The following ZNF311 variants were observed in gnomAD, a reference collection of about 807,000 sequenced individuals.
ZNF311 encodes the protein zinc finger protein zfp31.
ZNF311 carries 14 observed loss-of-function variants against 22.7 expected under a neutral mutation model. That is an observed-to-expected ratio of 0.62 (90% CI 0.41 to 0.96). ZNF311 has a LOEUF of 0.96. Among genes scored for constraint, ZNF311 ranks in the 40% least tolerant of loss-of-function variants. ZNF311 has a pLI of 0.00. For synonymous variants in ZNF311, 250 were observed against 275.3 expected, an observed-to-expected ratio of 0.91 and a Z score of 0.91; for missense variants, 731 against 799.0, an observed-to-expected ratio of 0.91 and a Z score of 1.03.
At position 29,003,455 on chromosome 6, in the gene ZNF311, T is replaced by G. The variant is rs1011195545; in HGVS notation, c.91+58A>C. On this transcript the variant is annotated intron_variant, in intron 3 of 6. Transcript: ENST00000377179. ...AGTGTGGCATTTTCCACCCACTCTGTGTCCTTACTACATTCTCAGCTGCCG... is the reference window on the plus strand; with the variant it reads ...AGTGTGGCATTTTCCACCCACTCTGGGTCCTTACTACATTCTCAGCTGCCG... 2.6e-6 allele frequency: 4 copies of G among 1,539,828 alleles called. No homozygotes were observed. The African/African-American group carries it at 5.4e-5, about 21-fold the overall frequency.
chr6:28,996,212 G>T lies in ZNF311; in HGVS notation c.790C>A (p.Leu264Ile). 6.2e-7 allele frequency: 1 copy of T among 1,613,468 alleles called. No individual in the cohort carries two copies. The highest frequency in any genetic ancestry group is 1.1e-5 in the South Asian group (1 of 91,088). ...TCACCAGAATGAATTTGCTCATGGA[G>T]AATTAGATCTGAGTGCCAACTGAAG... is the stretch of plus-strand genomic sequence containing the variant. The part of the protein sequence containing the change: ...KNFSWHSDLI[L>I]HEQIHSGEKP... Residue 264 changes from leucine to isoleucine, a missense_variant, in exon 7 of 7, where the codon CTC becomes ATC. By Grantham distance (5) the Leu-to-Ile change is conservative. Transcript: ENST00000377179.
intron 3 of ZNF311, among the ~76,000 whole-genome samples, chr6:29,002,381 T>C (rs1412439872): frequency 3.9e-5 from 6 of 152,194 alleles, no homozygotes; most frequent in African/African-American, 1.2e-4. Context: ...TTATGTTCTA[T>C]ATTATTAATT....
intron 4 of ZNF311, 133 bp downstream of exon 4, chr6:28,999,823 G>A: frequency 2.4e-6 from 3 of 1,249,070 alleles, no homozygotes; most frequent in East Asian, 2.5e-5. Context: ...GGTTTATCAT[G>A]CAACAAAATG....
At position 28,995,658 on chromosome 6, in the gene ZNF311, A is replaced by G. The variant is rs1488548780; in HGVS notation, c.1344T>C (p.Cys448=). 3.1e-6 allele frequency: 5 copies of G among 1,613,298 alleles called. No individual in the cohort carries two copies. Among genetic ancestry groups the G allele is most frequent in the African/African-American group, 2.7e-5 (2 of 74,878 alleles). ...TREKHYGCPQ[C]GKDFSIKAEL... is the part of the protein sequence containing the mutation. ...CTGCCTTGATGCTGAAGTCTTTTCC[A>G]CACTGGGGACACCCATAGTGTTTCT... The change falls in exon 7 of 7, where the codon TGT becomes TGC. Residue 448 remains cysteine, a synonymous_variant. Transcript: ENST00000377179. The surrounding 1 kb of genome is among the most constrained non-coding windows in gnomAD (Gnocchi z 4.7).
At position 29,004,125 on chromosome 6, in the gene ZNF311, C is replaced by T. The variant is rs1780843914; in HGVS notation, c.-171G>A. 1.3e-6 allele frequency: 2 copies of T among 1,531,288 alleles called. No individual in the cohort carries two copies. The highest frequency in any genetic ancestry group is 1.8e-6 in the Non-Finnish European group (2 of 1,142,624). 94.9% of individuals were successfully genotyped at this position (1,531,288 alleles called of 1,614,324 possible). On this transcript the variant is annotated 5_prime_UTR_variant, in exon 2 of 7. Transcript: ENST00000377179. ...AAGGGCCCTTCTTGACCCACAGTGC[C>T]GCTACTGTTTGGCTTAATGTGTCAA...
At position 28,996,548 on chromosome 6, in the gene ZNF311, T is replaced by C. The variant is rs776926010; in HGVS notation, c.454A>G (p.Ser152Gly). Reference protein sequence around the residue: ...DKMWPENEKASSQQEIFENGE... With the variant: ...DKMWPENEKAGSQQEIFENGE... Reference sequence around the variant, plus strand: ...TTTTCAAAAATCTCTTGTTGTGAACTTGCCTTTTCATTCTCAGGCCACATC... The same window carrying C: ...TTTTCAAAAATCTCTTGTTGTGAACCTGCCTTTTCATTCTCAGGCCACATC... Residue 152 changes from serine to glycine, a missense_variant, in exon 7 of 7, where the codon AGT (serine) becomes GGT (glycine). Transcript: ENST00000377179. 7.5e-5 allele frequency: 120 copies of C among 1,602,484 alleles called. 1 individual carries two copies. The highest frequency in any genetic ancestry group is 7.9e-5 in the Non-Finnish European group (93 of 1,179,254).
chr6:28,996,026 T>A lies in ZNF311; in HGVS notation c.976A>T (p.Ser326Cys). The change falls in exon 7 of 7, where the codon AGT becomes TGT. Residue 326 changes from serine to cysteine, a missense_variant. Ser to Cys is a moderately radical substitution (Grantham distance 112). Transcript: ENST00000377179. ...SALCRHKKTH[S>C]GEKPHECRDC... ...CTGCACTCGTGAGGCTTCTCCCCAC[T>A]GTGGGTTTTTTTATGTCGGCAAAGA... 1.2e-6 allele frequency: 2 copies of A among 1,613,558 alleles called. No homozygotes were observed. Among genetic ancestry groups the A allele is most frequent in the Non-Finnish European group, 1.7e-6 (2 of 1,180,032 alleles).
Position 28,996,412 on chromosome 6 carries a change from G to T in ZNF311, c.590C>A (p.Thr197Lys). The T allele has an allele frequency of 6.2e-7, 1 of 1,610,796 alleles. No homozygotes were observed. The change falls in exon 7 of 7, where the codon ACA becomes AAA. Residue 197 changes from threonine (T) to lysine (K), a missense_variant. Transcript: ENST00000377179. ...QDVKLENQWETSIREKLREEK... is the reference protein window; with the variant it reads ...QDVKLENQWEKSIREKLREEK... ...TTCTCTCAGTTTCTCCCTTATAGAT[G>T]TTTCCCATTGATTCTCTAATTTGAC...
intron 3 of ZNF311, among the ~76,000 whole-genome samples, chr6:29,001,857 C>A (rs564819992): frequency 6.6e-6 from 1 of 152,202 alleles, no homozygotes; most frequent in Non-Finnish European, 1.5e-5. Context: ...CACCCCTAAA[C>A]AGTTTAACAT....
rs1253735689 is a variant in ZNF311 at position 29,003,496 on chromosome 6, T to C, written c.91+17A>G. The C allele has an allele frequency of 2.5e-6, 4 of 1,612,674 alleles. No individual in the cohort carries two copies. Among genetic ancestry groups the C allele is most frequent in the Admixed American group, 3.3e-5 (2 of 60,014 alleles). On this transcript the variant is annotated intron_variant, in intron 3 of 6. Transcript: ENST00000377179. ...TCAGCTGCCGTGACTCCTGCCACAATCTCCTGTGTATCTCACCGCTTTCCT... is the reference window on the plus strand; with the variant it reads ...TCAGCTGCCGTGACTCCTGCCACAACCTCCTGTGTATCTCACCGCTTTCCT...
At chr6:29,002,948 CCA>C (rs1285549356) in intron 3 of ZNF311, among the ~76,000 whole-genome samples, 1 of 152,118 alleles carries the variant, frequency 6.6e-6, no homozygotes, top group Non-Finnish European at 1.5e-5. Flanking sequence ...CAAATCTTAA[CCA>C]CTTTTCCTCC....
In ZNF311 at chr6:28,995,645, T is replaced by C; in HGVS notation, c.1357A>G (p.Ser453Gly). 1 of 1,613,508 alleles carries C rather than the reference T, an allele frequency of 6.2e-7. No homozygotes were observed. The highest frequency in any genetic ancestry group is 8.5e-7 in the Non-Finnish European group (1 of 1,180,038). The stretch of plus-strand genomic sequence containing the variant: ...TGTTTGGTGAGTTCTGCCTTGATGC[T>C]GAAGTCTTTTCCACACTGGGGACAC... ...YGCPQCGKDF[S>G]IKAELTKHRR... The change falls in exon 7 of 7, where the codon AGC becomes GGC. Residue 453 changes from serine to glycine, a missense_variant. Ser to Gly is a moderately conservative substitution (Grantham distance 56). Coordinates refer to ENST00000377179, the MANE Select transcript of ZNF311 (RefSeq NM_001382360.1). The surrounding 1 kb of genome is among the most constrained non-coding windows in gnomAD (Gnocchi z 4.7).
At chr6:29,002,559 G>C (rs1349356696) in intron 3 of ZNF311, among the ~76,000 whole-genome samples, 1 of 151,176 alleles carries the variant, frequency 6.6e-6, no homozygotes, top group Non-Finnish European at 1.5e-5. Flanking sequence ...GCCTTTCTGG[G>C]TTTGATTTTA....
chr6:28,995,000 C>A lies in ZNF311; in HGVS notation c.*1G>T. 6.3e-7 allele frequency: 1 copy of A among 1,598,670 alleles called. No homozygotes were observed. The highest frequency in any genetic ancestry group is 1.1e-5 in the South Asian group (1 of 88,600). On this transcript the variant is annotated 3_prime_UTR_variant, in exon 7 of 7. Transcript: ENST00000377179. ...AGAAAGTAACACCAGAATCGTTATA[C>A]TCAGGCACTGGTCAAAATACTGACT...
chr6:28,996,358 C>G lies in ZNF311; in HGVS notation c.644G>C (p.Cys215Ser), dbSNP rs1300147355. The part of the protein sequence containing the change: ...EEKEGSEEVT[C>S]KKGKNQKVLS... ...CACTTTCTGGTTCTTTCCTTTTTTG[C>G]AGGTCACTTCCTCAGAGCCTTCTTT... The change falls in exon 7 of 7, where the codon TGC becomes TCC. Residue 215 changes from cysteine (C) to serine (S), a missense_variant. Physicochemically the swap from Cys to Ser is moderately radical, Grantham distance 112. Coordinates refer to ENST00000377179, the MANE Select transcript of ZNF311 (RefSeq NM_001382360.1). 5.0e-6 allele frequency: 8 copies of G among 1,611,778 alleles called. No individual in the cohort carries two copies. The African/African-American group carries it at 1.1e-4, about 22-fold the overall frequency.
In ZNF311 at chr6:29,003,595, C is replaced by T; in HGVS notation, c.10-1G>A. On this transcript the variant is annotated splice_acceptor_variant, in intron 2 of 6. Coordinates refer to ENST00000377179, the MANE Select transcript of ZNF311 (RefSeq NM_001382360.1). LOFTEE classifies it high-confidence loss of function. ...CTGAACTCTCATCCAACAGCACAACCTATTGCAAGACACAGAATGAATTCA... is the reference window on the plus strand; with the variant it reads ...CTGAACTCTCATCCAACAGCACAACTTATTGCAAGACACAGAATGAATTCA... 2 of 1,612,990 alleles carry T rather than the reference C, an allele frequency of 1.2e-6. No individual in the cohort carries two copies.
In ZNF311 at chr6:28,998,750, T is replaced by C. The variant is rs1779988754; in HGVS notation, c.399A>G (p.Leu133=). The C allele has an allele frequency of 2.5e-6, 4 of 1,612,156 alleles. No homozygotes were observed. Among genetic ancestry groups the C allele is most frequent in the African/African-American group, 2.7e-5 (2 of 74,884 alleles). The part of the protein sequence containing the change: ...CVQDPQDRES[L]SCSYPVSADK... ...ATTACTCACCTGGGTAGGAGCAGCT[T>C]AGGGACTCCCTGTCCTGTGGATCCT... Residue 133 remains leucine, a synonymous_variant, in exon 6 of 7, where the codon CTA becomes CTG. Coordinates refer to ENST00000377179, the MANE Select transcript of ZNF311 (RefSeq NM_001382360.1).
rs902779387 is a variant in ZNF311, at chr6:29,003,883, C to T, written c.9+63G>A. On this transcript the variant is annotated intron_variant, in intron 2 of 6. Coordinates refer to ENST00000377179, the MANE Select transcript of ZNF311 (RefSeq NM_001382360.1). ...CACCTCCACTCACACTGCTTTCCTT[C>T]TTTCTTGGACTCACTTCTCCTTCTT... 3.7e-6 allele frequency: 6 copies of T among 1,612,790 alleles called. No homozygotes were observed. The Middle Eastern group carries it at 5.0e-4, about 133-fold the overall frequency.
chr6:28,999,537 T>C lies in ZNF311; in HGVS notation c.260A>G (p.His87Arg), dbSNP rs780307567. ...TTCCAACATCACATCCTTATAGAGA[T>C]GCCTTTGAGCGTAGGTCAGACACTG... The part of the protein sequence containing the change: ...EWQCLTYAQR[H>R]LYKDVMLENY... Residue 87 changes from histidine (H) to arginine (R), a missense_variant, in exon 5 of 7, where the codon CAT becomes CGT. Coordinates refer to ENST00000377179, the MANE Select transcript of ZNF311 (RefSeq NM_001382360.1). 1 of 1,613,670 alleles carries C rather than the reference T, an allele frequency of 6.2e-7. No homozygotes were observed. Among genetic ancestry groups the C allele is most frequent in the South Asian group, 1.1e-5 (1 of 91,076 alleles).
Sources: gnomAD v4.1 joint callset for allele counts (sites outside exome capture counted in the v4.1 genomes callset) on GRCh38, gnomAD v4.1.1 for gene constraint, Gnocchi (gnomAD v3.1) non-coding constraint, MANE v1.5 for transcripts, NCBI Gene and HGNC (gene_info 2026-07-23, HGNC 2026-07-21) for gene names.